The following CHST11 variants were observed in gnomAD, a reference collection of about 807,000 sequenced individuals.
CHST11 encodes the protein C4S-1.
CHST11 carries 9 observed loss-of-function variants against 30.4 expected under a neutral mutation model. The ratio of observed to expected loss-of-function variants is 0.30; its 90% CI spans 0.18 to 0.52. CHST11 has a LOEUF of 0.52. CHST11 is among the 20% of genes least tolerant of loss of function. The probability of loss-of-function intolerance (pLI) is 0.97; values close to 1 mark genes in which losing one functional copy is unlikely to be tolerated. For missense variants in CHST11, 348 were observed against 460.6 expected (o/e 0.76, Z 2.24); for synonymous variants, 152 against 187.8 (o/e 0.81, Z 1.56).
At chr12:104,664,031 T>G (rs1438454850) in intron 2 of CHST11, among the ~76,000 whole-genome samples, 1 of 152,202 alleles carries the variant, frequency 6.6e-6, no homozygotes, top group Non-Finnish European at 1.5e-5. Context: ...GATAGGGACC[T>G]CCATCTTATT....
At chr12:104,752,594 C>T (rs547490807) in intron 2 of CHST11, among the ~76,000 whole-genome samples, 30 of 152,284 alleles carry the variant, frequency 2.0e-4, no homozygotes, top group Middle Eastern at 3.4e-3. Flanking sequence ...GTGCCGCGAT[C>T]GCGGCTCATT....
chr12:104,542,559 G>C (rs1592753795), intron 1 of CHST11, among the ~76,000 whole-genome samples: 2 of 152,314 alleles, frequency 1.3e-5, no homozygotes, highest in South Asian at 4.1e-4. Context: ...AAAAAGCACA[G>C]GGTATTTTGG....
intron 2 of CHST11, among the ~76,000 whole-genome samples, chr12:104,701,463 C>T (rs1415682331): frequency 6.6e-6 from 1 of 152,102 alleles, no homozygotes. Context: ...CCGGCGGGCA[C>T]ACTGCGTGGG....
intron 1 of CHST11, among the ~76,000 whole-genome samples, chr12:104,541,820 C>G (rs988947943): frequency 6.6e-6 from 1 of 152,110 alleles, no homozygotes; most frequent in African/African-American, 2.4e-5. Context: ...CCCAGATACT[C>G]GGGAGGCTGA....
intron 1 of CHST11, among the ~76,000 whole-genome samples, chr12:104,501,690 G>A (rs1020692148): frequency 2.6e-5 from 4 of 152,204 alleles, no homozygotes; most frequent in Admixed American, 2.6e-4. Flanking sequence ...AGTCAGCCTG[G>A]AGAAAATGAA....
intron 2 of CHST11, among the ~76,000 whole-genome samples, chr12:104,679,192 A>G (rs1592834576): frequency 6.6e-6 from 1 of 152,186 alleles, no homozygotes; most frequent in Admixed American, 6.5e-5. Context: ...CTAGTAAATG[A>G]TCAAGTCAAG....
chr12:104,591,910 T>C (rs1007876859), intron 1 of CHST11, among the ~76,000 whole-genome samples: 5 of 152,034 alleles, frequency 3.3e-5, no homozygotes, highest in Non-Finnish European at 7.4e-5. Context: ...GTAAATCACA[T>C]GCAAAAAGAG....
intron 1 of CHST11, among the ~76,000 whole-genome samples, chr12:104,496,236 G>A (rs2037797030): frequency 6.6e-6 from 1 of 152,122 alleles, no homozygotes; most frequent in Non-Finnish European, 1.5e-5. Context: ...GTGTTGATGA[G>A]TTATTGTTGC....
chr12:104,559,774 A>G (rs994123170), intron 1 of CHST11, among the ~76,000 whole-genome samples: 9 of 152,146 alleles, frequency 5.9e-5, no homozygotes, highest in African/African-American at 2.2e-4. Flanking sequence ...ATAAAATAAA[A>G]TAAACACATG....
chr12:104,481,780 T>TTTACTTCCTTCCTTCCTTCCTTCCTTCC (rs59114695), intron 1 of CHST11, among the ~76,000 whole-genome samples: 1 of 150,704 alleles, frequency 6.6e-6, no homozygotes. Flanking sequence ...TCCTTCCTTC[T>TTTACTTCCTTCCTTCCTTCCTTCCTTCC]TTCCTTCCTT....
At chr12:104,719,021 G>A (rs1051849791) in intron 2 of CHST11, among the ~76,000 whole-genome samples, 1 of 152,152 alleles carries the variant, frequency 6.6e-6, no homozygotes. Flanking sequence ...GAGGATCAAC[G>A]GCCACTTAGG....
Position 104,758,253 on chromosome 12 carries a change from T to C in CHST11, c.*450T>C, listed in dbSNP as rs1036765944. 2 of 157,110 alleles carry C rather than the reference T, an allele frequency of 1.3e-5. No homozygotes were observed. The highest frequency in any genetic ancestry group is 2.4e-5 in the African/African-American group (1 of 41,478). 9.7% of individuals were successfully genotyped at this position (157,110 alleles called of 1,614,324 possible). A position where few individuals can be genotyped will look rare whatever the true frequency, so the allele number is the denominator to read the frequency against. On this transcript the variant is annotated 3_prime_UTR_variant, in exon 3 of 3. Transcript: ENST00000303694. ...ACTAACCTCTCATGGAGTCATGTGA[T>C]AACAGCCATTGTCATGTGTATGGAT... is the stretch of plus-strand genomic sequence containing the variant.
intron 1 of CHST11, among the ~76,000 whole-genome samples, chr12:104,551,499 A>C (rs756268122): frequency 3.3e-5 from 5 of 152,114 alleles, no homozygotes; most frequent in Non-Finnish European, 5.9e-5. Flanking sequence ...AGAATCACCC[A>C]GTTTCAGTCC....
chr12:104,484,848 C>T (rs190546333), intron 1 of CHST11, among the ~76,000 whole-genome samples: 1 of 152,330 alleles, frequency 6.6e-6, no homozygotes, highest in East Asian at 1.9e-4. Flanking sequence ...CTGAGCAAGC[C>T]ATGCTGAAGC....
intron 2 of CHST11, among the ~76,000 whole-genome samples, chr12:104,717,803 C>T (rs1211245631): frequency 2.0e-5 from 3 of 148,174 alleles, no homozygotes; most frequent in African/African-American, 7.6e-5. Context: ...GCAACAAATT[C>T]GCTGGGCAAG....
At chr12:104,494,815 G>T (rs1229217013) in intron 1 of CHST11, among the ~76,000 whole-genome samples, 1 of 152,028 alleles carries the variant, frequency 6.6e-6, no homozygotes, top group Non-Finnish European at 1.5e-5. Flanking sequence ...GTAAAATTGT[G>T]GTTAAAAAAG....
At chr12:104,743,819 T>C (rs1017663663) in intron 2 of CHST11, among the ~76,000 whole-genome samples, 10 of 152,132 alleles carry the variant, frequency 6.6e-5, no homozygotes, top group African/African-American at 2.2e-4. Flanking sequence ...GTCCATGTGT[T>C]CTCATCATTT....
intron 2 of CHST11, among the ~76,000 whole-genome samples, chr12:104,694,234 A>G (rs1385072558): frequency 6.6e-6 from 1 of 152,114 alleles, no homozygotes; most frequent in Non-Finnish European, 1.5e-5. Flanking sequence ...AAAAACCCAT[A>G]TTCAAACCTA....
At chr12:104,617,137 T>G (rs1028716379) in intron 2 of CHST11, among the ~76,000 whole-genome samples, 1 of 152,166 alleles carries the variant, frequency 6.6e-6, no homozygotes, top group Non-Finnish European at 1.5e-5. Context: ...AAGAGAAATG[T>G]GGCATTGAAC....
Sources: allele counts gnomAD v4.1 joint callset (sites outside exome capture counted in the v4.1 genomes callset), GRCh38; gene constraint gnomAD v4.1.1; transcripts MANE v1.5; gene names NCBI Gene and HGNC (gene_info 2026-07-23, HGNC 2026-07-21).